EXD3: variants seen among roughly 807,000 people sequenced by gnomAD.
EXD3 encodes exonuclease mut-7 homolog.
A neutral mutation model predicts 98.0 loss-of-function variants in EXD3; 92 were observed. The observed-to-expected ratio is 0.94, with a 90% CI of 0.79 to 1.12. The LOEUF (loss-of-function observed/expected upper bound fraction) is 1.12. EXD3 is among the 50% of genes most tolerant of loss of function. The pLI, the probability that EXD3 is intolerant of heterozygous loss-of-function variation, is 0.00. For missense variants in EXD3, 1,222 were observed against 1,191.6 expected (o/e 1.03, Z -0.38); for synonymous variants, 569 against 526.0 (o/e 1.08, Z -1.12).
chr9:137,370,402 C>T (rs971130385), intron 5 of EXD3, among the ~76,000 whole-genome samples: 8 of 151,896 alleles, frequency 5.3e-5, no homozygotes, highest in African/African-American at 1.2e-4. Context: ...TCCTGGACCC[C>T]GTGGGAGGAA....
intron 1 of EXD3, among the ~76,000 whole-genome samples, chr9:137,416,169 C>G (rs1380940091): frequency 6.6e-6 from 1 of 152,256 alleles, no homozygotes; most frequent in Non-Finnish European, 1.5e-5. Flanking sequence ...CTGGGACCCA[C>G]AGCCAGGGCT....
At chr9:137,340,100 G>A (rs933981489) in intron 17 of EXD3, among the ~76,000 whole-genome samples, 1 of 152,136 alleles carries the variant, frequency 6.6e-6, no homozygotes, top group African/African-American at 2.4e-5. Flanking sequence ...AAACCCACAC[G>A]ATTTATAAAA....
intron 3 of EXD3, among the ~76,000 whole-genome samples, chr9:137,379,629 G>A (rs955057539): frequency 5.3e-5 from 8 of 151,960 alleles, no homozygotes; most frequent in Admixed American, 1.3e-4. Flanking sequence ...CACGAAGCAC[G>A]ACTGGGCGCT....
chr9:137,334,615 C>T (rs73581514), intron 17 of EXD3, among the ~76,000 whole-genome samples: 9 of 152,102 alleles, frequency 5.9e-5, no homozygotes, highest in East Asian at 3.9e-4. Flanking sequence ...ATGTAAGACT[C>T]GAACCATAAA....
rs776012517 is a variant in EXD3, at chr9:137,353,648, C to CG, written c.870+690_870+691insC. ...CCCAGGAGCAGAGGCACCTACAGGC[C>CG]TGCGGGACCCTCAGCCCCCGCTGGG... On this transcript the variant is annotated intron_variant, in intron 10 of 21. Coordinates refer to ENST00000340951, the MANE Select transcript of EXD3 (RefSeq NM_017820.5). 5.7e-4 allele frequency: 558 copies of CG among 985,948 alleles called. 1 individual carries two copies. The Middle Eastern group carries it at 8.4e-3, about 15-fold the overall frequency. 61.1% of individuals were successfully genotyped at this position (985,948 alleles called of 1,614,324 possible).
intron 1 of EXD3, among the ~76,000 whole-genome samples, chr9:137,408,321 G>A (rs1837830250): frequency 6.6e-6 from 1 of 151,988 alleles, no homozygotes; most frequent in Admixed American, 6.6e-5. Flanking sequence ...AGCTGAGGCG[G>A]GAGGATCACG....
rs1831070544 is a variant in EXD3, at chr9:137,306,930, T to C, written c.*20A>G. 2 of 1,540,678 alleles carry C rather than the reference T, an allele frequency of 1.3e-6. No individual in the cohort carries two copies. Among genetic ancestry groups the C allele is most frequent in the Non-Finnish European group, 1.8e-6 (2 of 1,142,302 alleles). ...GGGCCCAGCAGTCGGGCACTTTCCA[T>C]GTTTATTGTCTGGCTGTCCTCAGAA... On this transcript the variant is annotated 3_prime_UTR_variant, in exon 22 of 22. Transcript: ENST00000340951.
intron 7 of EXD3, chr9:137,366,117 T>C: frequency 1.4e-6 from 1 of 696,262 alleles, no homozygotes. Context: ...CTTTTCTCTG[T>C]AATTGCTGAC....
At chr9:137,314,792 C>A (rs1056728938) in intron 19 of EXD3, among the ~76,000 whole-genome samples, 1 of 152,186 alleles carries the variant, frequency 6.6e-6, no homozygotes, top group Non-Finnish European at 1.5e-5. Flanking sequence ...GGGCCCACAG[C>A]CCTCACCCCA....
At chr9:137,397,848 C>G (rs961116510) in intron 1 of EXD3, among the ~76,000 whole-genome samples, 7 of 152,082 alleles carry the variant, frequency 4.6e-5, no homozygotes, top group Admixed American at 6.6e-5. Context: ...CAAGCGGAGG[C>G]AGAAGAGTCG....
intron 3 of EXD3, among the ~76,000 whole-genome samples, chr9:137,377,796 T>TC (rs1244507145): frequency 6.7e-6 from 1 of 150,308 alleles, no homozygotes; most frequent in East Asian, 1.9e-4. Flanking sequence ...GAATTTTTTT[T>TC]TTTTTTTTTT....
At chr9:137,352,810 A>G (rs1463830501) in intron 10 of EXD3, 24 bp from the exon 11 acceptor site, 16 of 1,573,606 alleles carry the variant, frequency 1.0e-5, no homozygotes, top group Non-Finnish European at 1.4e-5. Context: ...GGCCGTGAGG[A>G]TGGAGATGGG....
At chr9:137,378,109 G>A (rs113236817) in intron 3 of EXD3, among the ~76,000 whole-genome samples, 2,582 of 152,110 alleles carry the variant, frequency 0.017, 70 homozygotes, top group African/African-American at 0.057. Flanking sequence ...TTTAATAAAA[G>A]TAGTAGTTTG....
chr9:137,326,773 C>T (rs1832426784), intron 17 of EXD3, among the ~76,000 whole-genome samples: 1 of 152,080 alleles, frequency 6.6e-6, no homozygotes, highest in African/African-American at 2.4e-5. Flanking sequence ...GTGTGGCCGC[C>T]GTGGAAAACA....
intron 2 of EXD3, among the ~76,000 whole-genome samples, chr9:137,388,396 A>G (rs1003468164): frequency 5.3e-5 from 8 of 152,192 alleles, no homozygotes; most frequent in African/African-American, 1.9e-4. Context: ...GGCAGAACAC[A>G]GGGACGCCAC....
intron 17 of EXD3, among the ~76,000 whole-genome samples, chr9:137,340,494 A>G (rs908521354): frequency 1.3e-5 from 2 of 151,956 alleles, no homozygotes; most frequent in Non-Finnish European, 2.9e-5. Context: ...AAAAAAAAGA[A>G]AGAGTTAAAT....
chr9:137,349,670 G>C lies in EXD3; in HGVS notation c.1495-139C>G. On this transcript the variant is annotated intron_variant, in intron 14 of 21. Coordinates refer to ENST00000340951, the MANE Select transcript of EXD3 (RefSeq NM_017820.5). The surrounding 1 kb of genome is among the most constrained non-coding windows in gnomAD (Gnocchi z 7.4). The stretch of plus-strand genomic sequence containing the variant: ...CAGCGGCCCCCACAGCAGAGACGGG[G>C]AGAAGGAGCGGACACATCCGAGGAG... The C allele has an allele frequency of 3.2e-6, 3 of 941,792 alleles. No homozygotes were observed. The highest frequency in any genetic ancestry group is 4.5e-6 in the Non-Finnish European group (3 of 666,786). 58.3% of individuals were successfully genotyped at this position (941,792 alleles called of 1,614,324 possible).
chr9:137,397,292 A>C (rs1450544336), intron 1 of EXD3, among the ~76,000 whole-genome samples: 1 of 152,212 alleles, frequency 6.6e-6, no homozygotes, highest in East Asian at 1.9e-4. Context: ...TGAAAGCTGG[A>C]GAAGGTTGAG....
At chr9:137,387,385 G>C (rs1225458371) in intron 2 of EXD3, among the ~76,000 whole-genome samples, 1 of 152,232 alleles carries the variant, frequency 6.6e-6, no homozygotes. Context: ...TGAGTCTCTC[G>C]GGCCAGAGCT....
Sources: gnomAD v4.1 joint callset for allele counts (sites outside exome capture counted in the v4.1 genomes callset) on GRCh38, gnomAD v4.1.1 for gene constraint, Gnocchi (gnomAD v3.1) non-coding constraint, MANE v1.5 for transcripts, NCBI Gene and HGNC (gene_info 2026-07-23, HGNC 2026-07-21) for gene names.